Variants in DPP10 observed in about 807,000 individuals in gnomAD.
The protein encoded by DPP10 is dipeptidyl peptidase like 10, also known as inactive dipeptidyl peptidase 10.
DPP10 carries 33 observed loss-of-function variants against 120.9 expected under a neutral mutation model. The observed-to-expected ratio is 0.27, with a 90% CI of 0.21 to 0.37. DPP10 has a LOEUF of 0.37. Among genes scored for constraint, DPP10 ranks in the 10% least tolerant of loss-of-function variants. The pLI is 1.00. For missense variants in DPP10, 816 were observed against 942.8 expected, an observed-to-expected ratio of 0.87 and a Z score of 1.76; for synonymous variants, 337 against 326.1, an observed-to-expected ratio of 1.03 and a Z score of -0.36.
chr2:115,731,661 G>T (rs1433660883), intron 8 of DPP10, among the ~76,000 whole-genome samples: 1 of 152,148 alleles, frequency 6.6e-6, no homozygotes, highest in Non-Finnish European at 1.5e-5. Flanking sequence ...TTAGTCACTA[G>T]TCTACTCTAC....
chr2:115,107,006 C>T (rs111799538), intron 1 of DPP10, among the ~76,000 whole-genome samples: 1 of 150,614 alleles, frequency 6.6e-6, no homozygotes, highest in South Asian at 2.1e-4. Flanking sequence ...ACCCGGGAGG[C>T]GGAGCTTGCA....
At chr2:115,786,117 G>A (rs2053721) in intron 17 of DPP10, among the ~76,000 whole-genome samples, 145,537 of 152,148 alleles carry the variant, frequency 0.96, 69,760 homozygotes, top group East Asian at 1. Flanking sequence ...CATAGACAGC[G>A]TAGTCCAATG....
chr2:115,038,512 C>T (rs1440819794), intron 1 of DPP10, among the ~76,000 whole-genome samples: 2 of 151,928 alleles, frequency 1.3e-5, no homozygotes, highest in East Asian at 1.9e-4. Flanking sequence ...CTCCTGACCT[C>T]GTGATCCGCC....
intron 1 of DPP10, among the ~76,000 whole-genome samples, chr2:114,965,905 G>A (rs1292866817): frequency 7.4e-6 from 1 of 134,500 alleles, no homozygotes; most frequent in Admixed American, 8.8e-5. Flanking sequence ...GGCAGGGCTT[G>A]CGGTGAGCCG....
rs1205852804 is a variant in DPP10 at position 115,843,470 on chromosome 2, A to G, written c.*1125A>G. 1 of 152,262 alleles carries G rather than the reference A, an allele frequency of 6.6e-6. No homozygotes were observed. Among genetic ancestry groups the G allele is most frequent in the Non-Finnish European group, 1.5e-5 (1 of 68,020 alleles). 9.4% of individuals were successfully genotyped at this position (152,262 alleles called of 1,614,324 possible). A position where few individuals can be genotyped will look rare whatever the true frequency, so the allele number is the denominator to read the frequency against. On this transcript the variant is annotated 3_prime_UTR_variant, in exon 26 of 26. Coordinates refer to ENST00000410059, the MANE Select transcript of DPP10 (RefSeq NM_020868.6). ...AAATAGCTGGATTATTTCATTTGCC[A>G]GTTTCTATTTAGTATTCCATGCCTG...
intron 1 of DPP10, among the ~76,000 whole-genome samples, chr2:114,971,510 A>T (rs1446451588): frequency 6.6e-6 from 1 of 152,202 alleles, no homozygotes; most frequent in African/African-American, 2.4e-5. Context: ...ACACCTTTGG[A>T]AGAACTGGCA....
In DPP10 at chr2:115,814,958, A is replaced by G. The variant is rs770423619; in HGVS notation, c.1866A>G (p.Val622=). Residue 622 remains valine, a synonymous_variant, in exon 20 of 26, where the codon GTA becomes GTG. Coordinates refer to ENST00000410059, the MANE Select transcript of DPP10 (RefSeq NM_020868.6). ...AGATTCATCGAAGATTAGGTTCAGTAGAAGTAAAGGACCAAATAACAGCTG... is the reference window on the plus strand; with the variant it reads ...AGATTCATCGAAGATTAGGTTCAGTGGAAGTAAAGGACCAAATAACAGCTG... ...LQEIHRRLGS[V]EVKDQITAVK... is the part of the protein sequence containing the mutation. 9 of 1,610,710 alleles carry G rather than the reference A, an allele frequency of 5.6e-6. No individual in the cohort carries two copies. Among genetic ancestry groups the G allele is most frequent in the South Asian group, 1.1e-5 (1 of 90,736 alleles).
Position 115,286,317 on chromosome 2 carries a change from A to G in DPP10, c.61-22922A>G, listed in dbSNP as rs957156734. Among the ~76,000 whole-genome samples, 2 of 150,918 alleles carry G rather than the reference A, an allele frequency of 1.3e-5. 1 individual carries two copies. The stretch of plus-strand genomic sequence containing the variant: ...TAATCCTTGCTAGAATGCTGGGAAA[A>G]ACTGATGTTATTTGTAAATGAAGAT... On this transcript the variant is annotated intron_variant, in intron 1 of 25. Transcript: ENST00000410059.
chr2:114,782,227 C>T (rs993212840), intron 1 of DPP10, among the ~76,000 whole-genome samples: 6 of 151,504 alleles, frequency 4.0e-5, no homozygotes, highest in African/African-American at 1.2e-4. Context: ...TTTAATTTTG[C>T]GTATAAGGAG....
At chr2:114,587,642 C>G (rs1432316533) in intron 1 of DPP10, among the ~76,000 whole-genome samples, 1 of 152,156 alleles carries the variant, frequency 6.6e-6, no homozygotes, top group Non-Finnish European at 1.5e-5. Flanking sequence ...TTCATTCTCA[C>G]TGAGATTCCA....
At chr2:115,335,558 G>T (rs77699994) in intron 2 of DPP10, among the ~76,000 whole-genome samples, 3,858 of 151,984 alleles carry the variant, frequency 0.025, 176 homozygotes, top group African/African-American at 0.087. Flanking sequence ...AATAAGAATA[G>T]AATTTATATT....
intron 1 of DPP10, among the ~76,000 whole-genome samples, chr2:114,623,566 A>G (rs566826107): frequency 6.4e-4 from 98 of 152,216 alleles, no homozygotes; most frequent in Non-Finnish European, 1.1e-3. Context: ...TAAAATCTTC[A>G]TGACTTTATT....
At chr2:114,714,969 C>T (rs776650403) in intron 1 of DPP10, among the ~76,000 whole-genome samples, 1 of 152,010 alleles carries the variant, frequency 6.6e-6, no homozygotes, top group African/African-American at 2.4e-5. Flanking sequence ...CCTAGAAAGA[C>T]AAAAGTCGCT....
chr2:114,890,481 C>T (rs965346447), intron 1 of DPP10, among the ~76,000 whole-genome samples: 1 of 152,108 alleles, frequency 6.6e-6, no homozygotes, highest in Non-Finnish European at 1.5e-5. Context: ...CTAGAACATA[C>T]ACAATAGGTA....
chr2:115,529,427 G>A (rs1412382841), intron 5 of DPP10, among the ~76,000 whole-genome samples: 3 of 150,122 alleles, frequency 2.0e-5, no homozygotes, highest in Non-Finnish European at 3.0e-5. Context: ...CTTCAGCCTT[G>A]CAAGTGTGAG....
intron 7 of DPP10, among the ~76,000 whole-genome samples, chr2:115,693,098 G>A (rs2091404562): frequency 6.6e-6 from 1 of 152,146 alleles, no homozygotes; most frequent in African/African-American, 2.4e-5. Context: ...CAATTGTCCA[G>A]ATACCACAGA....
At chr2:115,776,424 C>G (rs193104543) in intron 13 of DPP10, among the ~76,000 whole-genome samples, 1 of 152,168 alleles carries the variant, frequency 6.6e-6, no homozygotes, top group East Asian at 1.9e-4. Context: ...TCATCCATGT[C>G]CCTGCAAAGG....
intron 1 of DPP10, among the ~76,000 whole-genome samples, chr2:114,987,381 T>C (rs1700468614): frequency 6.6e-6 from 1 of 152,292 alleles, no homozygotes; most frequent in Middle Eastern, 3.4e-3. Context: ...TCTTGGACCT[T>C]AGGCTTGAGA....
rs1690373436 is a variant in DPP10 at position 115,843,704 on chromosome 2, A to G, written c.*1359A>G. ...AAATAAACCTGACTGTATGAAGTCA[A>G]TTTAAGTGATGAGAACATTTAACTT... On this transcript the variant is annotated 3_prime_UTR_variant, in exon 26 of 26. Coordinates refer to ENST00000410059, the MANE Select transcript of DPP10 (RefSeq NM_020868.6). The G allele has an allele frequency of 6.6e-6, 1 of 152,222 alleles. No individual in the cohort carries two copies. The highest frequency in any genetic ancestry group is 2.1e-4 in the South Asian group (1 of 4,834). The allele number at this position is 152,222 out of a possible 1,614,324, so 9.4% of individuals were successfully genotyped here.
Sources: allele counts gnomAD v4.1 joint callset (sites outside exome capture counted in the v4.1 genomes callset), GRCh38; gene constraint gnomAD v4.1.1; transcripts MANE v1.5; gene names NCBI Gene and HGNC (gene_info 2026-07-23, HGNC 2026-07-21).